The following PAK5 variants were observed in gnomAD, a reference collection of about 807,000 sequenced individuals.
PAK5 encodes p21 (RAC1) activated kinase 5.
PAK5 carries 16 observed loss-of-function variants against 65.9 expected under a neutral mutation model. The ratio of observed to expected loss-of-function variants is 0.24; its 90% CI spans 0.16 to 0.37. The LOEUF (loss-of-function observed/expected upper bound fraction) is 0.37. Among genes scored for constraint, PAK5 ranks in the 10% least tolerant of loss-of-function variants. The pLI, the probability that PAK5 is intolerant of heterozygous loss-of-function variation, is 1.00. For missense variants in PAK5, 785 were observed against 903.9 expected (o/e 0.87, Z 1.69); for synonymous variants, 371 against 354.9 (o/e 1.05, Z -0.51).
intron 1 of PAK5, among the ~76,000 whole-genome samples, chr20:9,742,413 A>T (rs1008432071): frequency 6.6e-6 from 1 of 152,192 alleles, no homozygotes; most frequent in African/African-American, 2.4e-5. Context: ...CATTAATCAG[A>T]TGGAAGTGGG....
In PAK5 at chr20:9,580,777, C is replaced by G. The variant is rs1234148699; in HGVS notation, c.358G>C (p.Ala120Pro). Residue 120 changes from alanine (A) to proline (P), a missense_variant, in exon 4 of 10, where the codon GCG (alanine) becomes CCG (proline). Physicochemically the swap from Ala to Pro is conservative, Grantham distance 27. Coordinates refer to ENST00000353224, the MANE Select transcript of PAK5 (RefSeq NM_177990.4). The stretch of plus-strand genomic sequence containing the variant: ...AAGGTGATGAAGCCATTTTCTTCCG[C>G]GTGGCCTGGACCGTGGCTGGAGGCT... ...QGASSHGPGH[A>P]EENGFITFSQ... 1.2e-6 allele frequency: 2 copies of G among 1,613,946 alleles called. No homozygotes were observed. Among genetic ancestry groups the G allele is most frequent in the African/African-American group, 1.3e-5 (1 of 74,948 alleles).
intron 1 of PAK5, among the ~76,000 whole-genome samples, chr20:9,828,280 C>T (rs1056056476): frequency 6.6e-6 from 1 of 152,160 alleles, no homozygotes; most frequent in Non-Finnish European, 1.5e-5. Context: ...TAACTCAAGG[C>T]GTGAATAACT....
At chr20:9,557,529 A>G in intron 7 of PAK5, 79 bp downstream of exon 7, 1 of 1,188,662 alleles carries the variant, frequency 8.4e-7, no homozygotes, top group South Asian at 1.9e-5. Context: ...GTTATAAAAA[A>G]GTGTTTCTAA....
At chr20:9,817,165 G>A (rs754828671) in intron 1 of PAK5, among the ~76,000 whole-genome samples, 2 of 152,076 alleles carry the variant, frequency 1.3e-5, no homozygotes, top group Non-Finnish European at 2.9e-5. Flanking sequence ...AAAGAATTAT[G>A]TAAATAAGAA....
intron 1 of PAK5, among the ~76,000 whole-genome samples, chr20:9,730,013 A>AAG (rs200394446): frequency 9.9e-5 from 13 of 131,362 alleles, no homozygotes; most frequent in Non-Finnish European, 1.2e-4. Flanking sequence ...AAAAAAAAAA[A>AAG]AGAGAGAGAG....
chr20:9,652,337 A>C (rs922960972), intron 2 of PAK5, among the ~76,000 whole-genome samples: 66 of 152,330 alleles, frequency 4.3e-4, no homozygotes, highest in African/African-American at 1.5e-3. Context: ...TGCTGATTTT[A>C]GGGAAAATGA....
intron 3 of PAK5, among the ~76,000 whole-genome samples, chr20:9,610,610 A>AGGCATTTCCTTTTTGGTCTTTGT (rs2046541048): frequency 6.6e-6 from 1 of 152,216 alleles, no homozygotes; most frequent in Non-Finnish European, 1.5e-5. Context: ...AAAGATCCTA[A>AGGCATTTCCTTTTTGGTCTTTGT]GGCATTTCCT....
chr20:9,810,086 A>C (rs1298302565), intron 1 of PAK5, among the ~76,000 whole-genome samples: 1 of 152,088 alleles, frequency 6.6e-6, no homozygotes, highest in East Asian at 1.9e-4. Flanking sequence ...TCACAGATGC[A>C]CTTCCAGGCT....
At chr20:9,598,208 T>C (rs550297013) in intron 3 of PAK5, among the ~76,000 whole-genome samples, 1 of 152,278 alleles carries the variant, frequency 6.6e-6, no homozygotes, top group Non-Finnish European at 1.5e-5. Flanking sequence ...GAACATGCGG[T>C]GTTTCGTTTT....
At chr20:9,798,505 G>A (rs768659370) in intron 1 of PAK5, among the ~76,000 whole-genome samples, 1 of 152,244 alleles carries the variant, frequency 6.6e-6, no homozygotes, top group Non-Finnish European at 1.5e-5. Flanking sequence ...ATAAGAAGAT[G>A]TCGGGAATCT....
intron 7 of PAK5, among the ~76,000 whole-genome samples, chr20:9,553,051 T>C (rs997930836): frequency 1.3e-5 from 2 of 152,132 alleles, no homozygotes; most frequent in African/African-American, 2.4e-5. Flanking sequence ...TAAATAATGA[T>C]AAATCCACAG....
chr20:9,633,675 G>A (rs2046950590), intron 3 of PAK5, among the ~76,000 whole-genome samples: 1 of 152,160 alleles, frequency 6.6e-6, no homozygotes, highest in Non-Finnish European at 1.5e-5. Flanking sequence ...TCTGGGAGTA[G>A]AGTTGGGGTA....
At chr20:9,556,885 T>C (rs946759758) in intron 7 of PAK5, among the ~76,000 whole-genome samples, 9 of 152,136 alleles carry the variant, frequency 5.9e-5, no homozygotes, top group African/African-American at 1.7e-4. Context: ...TTTCAGCCAA[T>C]AGGGAGCACC....
intron 4 of PAK5, chr20:9,575,786 T>A (rs1177348737): frequency 6.6e-6 from 1 of 152,218 alleles, no homozygotes; most frequent in African/African-American, 2.4e-5. Context: ...GGAGACTTCA[T>A]GTCCACCTTT....
At chr20:9,561,782 T>C (rs2045594219) in intron 6 of PAK5, among the ~76,000 whole-genome samples, 1 of 152,196 alleles carries the variant, frequency 6.6e-6, no homozygotes, top group Non-Finnish European at 1.5e-5. Flanking sequence ...CCTTAACTTT[T>C]TGGCATTTTA....
rs118142123 is a variant in PAK5 at position 9,571,571 on chromosome 20, G to T, written c.991-5187C>A. Among the ~76,000 whole-genome samples, 1,265 of 152,318 alleles carry T rather than the reference G, an allele frequency of 8.3e-3. 10 individuals are homozygous for T. The highest frequency in any genetic ancestry group is 0.024 in the Middle Eastern group (7 of 294). On this transcript the variant is annotated intron_variant, in intron 4 of 9. Coordinates refer to ENST00000353224, the MANE Select transcript of PAK5 (RefSeq NM_177990.4). ...ACAGGCCGGCTCCCTTGCCTGCCTT[G>T]GCATTTCCAACATTCATTGATTTAT...
At chr20:9,692,438 G>A (rs988489108) in intron 2 of PAK5, among the ~76,000 whole-genome samples, 1 of 152,124 alleles carries the variant, frequency 6.6e-6, no homozygotes, top group Non-Finnish European at 1.5e-5. Flanking sequence ...AACTTTGGAA[G>A]GGTCAGCCAC....
At chr20:9,689,142 C>T (rs2047758866) in intron 2 of PAK5, among the ~76,000 whole-genome samples, 1 of 152,176 alleles carries the variant, frequency 6.6e-6, no homozygotes, top group Admixed American at 6.5e-5. Flanking sequence ...GAACATTTCT[C>T]TCCTCAGGTA....
At chr20:9,690,746 C>A (rs986993385) in intron 2 of PAK5, among the ~76,000 whole-genome samples, 1 of 117,938 alleles carries the variant, frequency 8.5e-6, no homozygotes, top group Admixed American at 8.6e-5. Context: ...TTCTTTCTTT[C>A]TTTCTTTTTT....
Sources: allele counts gnomAD v4.1 joint callset (sites outside exome capture counted in the v4.1 genomes callset), GRCh38; gene constraint gnomAD v4.1.1; transcripts MANE v1.5; gene names NCBI Gene and HGNC (gene_info 2026-07-23, HGNC 2026-07-21).